The following ESPL1 variants were observed in gnomAD, a reference collection of about 807,000 sequenced individuals.
The protein encoded by ESPL1 is extra spindle pole bodies like 1, separase, also known as separin.
ESPL1 carries 50 observed loss-of-function variants against 217.2 expected under a neutral mutation model. That is an observed-to-expected ratio of 0.23 (90% confidence interval 0.18 to 0.29). The LOEUF (loss-of-function observed/expected upper bound fraction) is 0.29. ESPL1 is among the 10% of genes least tolerant of loss of function. ESPL1 has a pLI of 1.00. For synonymous variants in ESPL1, 994 were observed against 1,081.3 expected (o/e 0.92, Z 1.58); for missense variants, 1,834 against 2,603.0 (o/e 0.70, Z 6.43).
At chr12:53,272,673 G>A (rs777008686) in intron 5 of ESPL1, 48 bp from the exon 6 acceptor site, 9 of 1,597,318 alleles carry the variant, frequency 5.6e-6, no homozygotes, top group Non-Finnish European at 7.7e-6. Flanking sequence ...GGAGGAGAGG[G>A]TGGTGGGAGC....
chr12:53,284,007 C>G (rs766085082), intron 16 of ESPL1, 51 bp from the exon 17 acceptor site: 1 of 1,351,362 alleles, frequency 7.4e-7, no homozygotes, highest in Admixed American at 1.7e-5. Flanking sequence ...AAAGACTCTC[C>G]AGGAAAACAA....
chr12:53,289,754 T>C (rs749885339), intron 22 of ESPL1, 160 bp downstream of exon 22: 1 of 683,902 alleles, frequency 1.5e-6, no homozygotes, highest in South Asian at 2.1e-5. Context: ...GAAGGTTTGT[T>C]GTTTTTTTTA....
At chr12:53,284,001 ACT>A (rs1943905461) in intron 16 of ESPL1, 55 bp from the exon 17 acceptor site, 2 of 1,280,398 alleles carry the variant, frequency 1.6e-6, no homozygotes, top group African/African-American at 1.5e-5. Context: ...AAAGAGAAAG[ACT>A]CTCCAGGAAA....
In ESPL1 at chr12:53,292,103, G is replaced by T. The variant is rs370032736; in HGVS notation, c.5796+15G>T. The stretch of plus-strand genomic sequence containing the variant: ...TCATCAAAGAGGTGGGGTTCAGGGC[G>T]TAGTGTCTGGGGATGACTGGCGACT... On this transcript the variant is annotated intron_variant, in intron 27 of 30. Transcript: ENST00000257934. This position sits in a 1 kb window ranked among gnomAD's most constrained non-coding sequence, Gnocchi z 4.5. 1.0e-5 allele frequency: 16 copies of T among 1,596,488 alleles called. 1 individual carries two copies. In the Admixed American group the frequency reaches 2.5e-4, roughly 25 times the overall value.
At chr12:53,271,903 C>T (rs1943681398) in intron 5 of ESPL1, among the ~76,000 whole-genome samples, 1 of 152,072 alleles carries the variant, frequency 6.6e-6, no homozygotes. Flanking sequence ...TCCTGGCTAA[C>T]AGTGAAACCC....
Position 53,276,942 on chromosome 12 carries a change from C to A in ESPL1, c.1940+83C>A, listed in dbSNP as rs982534165. On this transcript the variant is annotated intron_variant, in intron 8 of 30. Coordinates refer to ENST00000257934, the MANE Select transcript of ESPL1 (RefSeq NM_012291.5). ...TCTTGAGAACCAGTTTCCCTCTCCA[C>A]AGCCCTGAGCTCTCCCTTCATCTTG... 26 of 1,562,294 alleles carry A rather than the reference C, an allele frequency of 1.7e-5. No individual in the cohort carries two copies. The African/African-American group carries it at 3.2e-4, about 19-fold the overall frequency.
intron 7 of ESPL1, among the ~76,000 whole-genome samples, chr12:53,275,366 CA>C (rs949221064): frequency 2.0e-5 from 3 of 152,120 alleles, no homozygotes; most frequent in African/African-American, 7.2e-5. Context: ...GAGGCTGAGG[CA>C]GGAGAATGGC....
Position 53,277,151 on chromosome 12 carries a change from G to T in ESPL1, c.2009G>T (p.Arg670Ile). ...LDSVRPEAQA[R>I]DQLLDDKAQA... ...TCTGTGAGGCCTGAGGCCCAGGCCA[G>T]AGATCAGCTTCTGGACGATAAAGCA... Residue 670 changes from arginine (R) to isoleucine (I), a missense_variant, in exon 9 of 31, where the codon AGA becomes ATA. Coordinates refer to ENST00000257934, the MANE Select transcript of ESPL1 (RefSeq NM_012291.5). The T allele has an allele frequency of 6.2e-7, 1 of 1,614,226 alleles. No individual in the cohort carries two copies. The highest frequency in any genetic ancestry group is 8.5e-7 in the Non-Finnish European group (1 of 1,180,014).
In ESPL1 at chr12:53,270,486, C is replaced by G. The variant is rs1249682205; in HGVS notation, c.1248+4C>G. Reference sequence around the variant, plus strand: ...TGACTTTGCCCAAGGCTGTCAGGTACTGTCTGGGAATCAAGGTACCTGGAC... The same window carrying G: ...TGACTTTGCCCAAGGCTGTCAGGTAGTGTCTGGGAATCAAGGTACCTGGAC... On this transcript the variant is annotated splice_donor_region_variant and intron_variant, in intron 4 of 30. Coordinates refer to ENST00000257934, the MANE Select transcript of ESPL1 (RefSeq NM_012291.5). 8 of 1,607,738 alleles carry G rather than the reference C, an allele frequency of 5.0e-6. No individual in the cohort carries two copies. Among genetic ancestry groups the G allele is most frequent in the South Asian group, 2.2e-5 (2 of 90,984 alleles).
In ESPL1 at chr12:53,293,089, G is replaced by A. The variant is rs1442167511; in HGVS notation, c.6161+119G>A. On this transcript the variant is annotated intron_variant, in intron 30 of 30. Transcript: ENST00000257934. This position sits in a 1 kb window ranked among gnomAD's most constrained non-coding sequence, Gnocchi z 4.2. The stretch of plus-strand genomic sequence containing the variant: ...CCCCATTTTCCTCCTATCCTAGTTA[G>A]TTCCCTGGCATGCCTGGACCATTAA... 1 of 1,083,424 alleles carries A rather than the reference G, an allele frequency of 9.2e-7. No homozygotes were observed. Among genetic ancestry groups the A allele is most frequent in the Non-Finnish European group, 1.3e-6 (1 of 750,644 alleles). The allele number at this position is 1,083,424 out of a possible 1,614,324, so 67.1% of individuals were successfully genotyped here.
At position 53,286,367 on chromosome 12, in the gene ESPL1, C is replaced by G. The variant is rs986730530; in HGVS notation, c.3631C>G (p.Pro1211Ala). The G allele has an allele frequency of 2.5e-6, 4 of 1,614,066 alleles. No individual in the cohort carries two copies. The South Asian group carries it at 4.4e-5, about 18-fold the overall frequency. ...ALQASLNHKTPPSLVPSLLDE... is the reference protein window; with the variant it reads ...ALQASLNHKTAPSLVPSLLDE... Reference sequence around the variant, plus strand: ...CCAAGCTTCCCTGAATCATAAAACACCCCCCTCCTTGGTTCCAAGCCTCTT... The same window carrying G: ...CCAAGCTTCCCTGAATCATAAAACAGCCCCCTCCTTGGTTCCAAGCCTCTT... The change falls in exon 18 of 31, where the codon CCC becomes GCC. Residue 1211 changes from proline (P) to alanine (A), a missense_variant. Pro to Ala is a conservative substitution (Grantham distance 27). This residue lies in a region of ESPL1 where 681 missense variants were observed against 808.0 expected (regional missense o/e 0.84). Coordinates refer to ENST00000257934, the MANE Select transcript of ESPL1 (RefSeq NM_012291.5). This position sits in a 1 kb window ranked among gnomAD's most constrained non-coding sequence, Gnocchi z 5.3.
chr12:53,286,064 GC>G lies in ESPL1; in HGVS notation c.3330del (p.Thr1111LeufsTer9). 6.2e-7 allele frequency: 1 copy of G among 1,610,930 alleles called. No homozygotes were observed. Among genetic ancestry groups the G allele is most frequent in the Non-Finnish European group, 8.5e-7 (1 of 1,177,322 alleles). The part of the protein sequence containing the change: ...FLRGPALELV[A>X]TVAKEPGPIA... ...AAGAGGCCCTGCTCTAGAGCTGGTG[GC>G]CACTGTGGCCAAGGAGCCTGGCCCC... On this transcript the variant is annotated frameshift_variant, in exon 18 of 31. Transcript: ENST00000257934. LOFTEE classifies it high-confidence loss of function. The surrounding 1 kb of genome is among the most constrained non-coding windows in gnomAD (Gnocchi z 5.3).
chr12:53,281,944 T>C (rs564735929), intron 13 of ESPL1, among the ~76,000 whole-genome samples: 179 of 152,310 alleles, frequency 1.2e-3, no homozygotes, highest in African/African-American at 4.0e-3. Context: ...GACTTGAGTT[T>C]TCTCCCAAAC....
chr12:53,278,896 C>T (rs1943816683), intron 11 of ESPL1, among the ~76,000 whole-genome samples: 1 of 150,282 alleles, frequency 6.7e-6, no homozygotes, highest in Non-Finnish European at 1.5e-5. Context: ...TTCCGCCCCG[C>T]CCCCCCGCCG....
intron 6 of ESPL1, 143 bp from the exon 7 acceptor site, chr12:53,274,674 C>A: frequency 1.6e-6 from 1 of 635,886 alleles, no homozygotes; most frequent in Middle Eastern, 4.3e-4. Flanking sequence ...GTGTCTCCTG[C>A]CTTGGGTGGG....
intron 7 of ESPL1, among the ~76,000 whole-genome samples, chr12:53,275,226 G>C (rs1250061211): frequency 1.3e-5 from 2 of 152,222 alleles, no homozygotes; most frequent in Non-Finnish European, 2.9e-5. Flanking sequence ...ACTTTGGGAG[G>C]CCGAGGCGGG....
chr12:53,268,617 A>G, intron 1 of ESPL1, 138 bp from the exon 2 acceptor site: 2 of 608,158 alleles, frequency 3.3e-6, no homozygotes, highest in Non-Finnish European at 5.8e-6. Context: ...TAACGGGAGC[A>G]CGGCGTCCTG....
At chr12:53,279,564 G>A (rs1332485714) in intron 11 of ESPL1, 168 bp from the exon 12 acceptor site, 2 of 760,598 alleles carry the variant, frequency 2.6e-6, no homozygotes, top group East Asian at 5.1e-5. Context: ...TGGCATCTAG[G>A]CTTTAAAACA....
At position 53,292,201 on chromosome 12, in the gene ESPL1, T is replaced by C. The variant is rs1944073869; in HGVS notation, c.5797-77T>C. 7.0e-7 allele frequency: 1 copy of C among 1,419,614 alleles called. No individual in the cohort carries two copies. The highest frequency in any genetic ancestry group is 2.3e-5 in the East Asian group (1 of 43,972). 87.9% of individuals were successfully genotyped at this position (1,419,614 alleles called of 1,614,324 possible). Reference sequence around the variant, plus strand: ...GAGGGTCCTAGGAATGGCTCAGACATGGAAAGGGGCTGAGATTGTTAGAGC... The same window carrying C: ...GAGGGTCCTAGGAATGGCTCAGACACGGAAAGGGGCTGAGATTGTTAGAGC... On this transcript the variant is annotated intron_variant, in intron 27 of 30. Coordinates refer to ENST00000257934, the MANE Select transcript of ESPL1 (RefSeq NM_012291.5). This position sits in a 1 kb window ranked among gnomAD's most constrained non-coding sequence, Gnocchi z 4.5.
Sources: allele counts gnomAD v4.1 joint callset (sites outside exome capture counted in the v4.1 genomes callset), GRCh38; gene constraint gnomAD v4.1.1; regional missense constraint gnomAD v4.1.1; non-coding constraint Gnocchi (gnomAD v3.1); transcripts MANE v1.5; gene names NCBI Gene and HGNC (gene_info 2026-07-23, HGNC 2026-07-21).